Variants in RBMS3 observed in about 807,000 individuals in gnomAD.
RBMS3 encodes RNA binding motif single stranded interacting protein 3.
Under a neutral mutation model 66.8 loss-of-function variants are expected in RBMS3, and 27 were observed. The ratio of observed to expected loss-of-function variants is 0.40; its 90% CI spans 0.30 to 0.56. The LOEUF is 0.56. RBMS3 is among the 20% of genes least tolerant of loss of function. The probability of loss-of-function intolerance (pLI) is 0.40; values close to 1 mark genes in which losing one functional copy is unlikely to be tolerated. For missense variants in RBMS3, 513 were observed against 549.5 expected (o/e 0.93, Z 0.66); for synonymous variants, 188 against 183.0 (o/e 1.03, Z -0.22).
chr3:29,659,906 T>C (rs896779476), intron 4 of RBMS3, among the ~76,000 whole-genome samples: 1 of 152,204 alleles, frequency 6.6e-6, no homozygotes, highest in African/African-American at 2.4e-5. Context: ...TTACCTTCTG[T>C]TTTCTTGATA....
rs1405580242 is a variant in RBMS3, at chr3:29,766,648, G to T, written c.637+3659G>T. The T allele has an allele frequency of 2.0e-5, 3 of 151,958 alleles. No homozygotes were observed. The East Asian group carries it at 5.8e-4, about 30-fold the overall frequency. 9.4% of individuals were successfully genotyped at this position (151,958 alleles called of 1,614,324 possible). ...TTAAATGAATACATCATGGATGATT[G>T]ATGTCTTTTAGCATATCCCAGAACT... is the stretch of plus-strand genomic sequence containing the variant. On this transcript the variant is annotated intron_variant, in intron 6 of 14. Transcript: ENST00000383767.
intron 1 of RBMS3, among the ~76,000 whole-genome samples, chr3:29,406,753 A>G (rs2040032236): frequency 1.3e-5 from 2 of 152,110 alleles, no homozygotes; most frequent in African/African-American, 4.8e-5. Flanking sequence ...ATAGTTTAAT[A>G]CTTTTTTTCA....
At chr3:29,945,320 T>C (rs1294382104) in intron 12 of RBMS3, among the ~76,000 whole-genome samples, 5 of 151,724 alleles carry the variant, frequency 3.3e-5, no homozygotes, top group Non-Finnish European at 5.9e-5. Flanking sequence ...GGTAATTCTT[T>C]TTTAATTTCT....
At position 29,896,055 on chromosome 3, in the gene RBMS3, A is replaced by C. The variant is rs184958852; in HGVS notation, c.792-1324A>C. 2.0e-4 allele frequency among the ~76,000 whole-genome samples: 30 copies of C among 151,544 alleles called. No homozygotes were observed. The East Asian group carries it at 5.8e-3, about 30-fold the overall frequency. On this transcript the variant is annotated intron_variant, in intron 8 of 14. Coordinates refer to ENST00000383767, the MANE Select transcript of RBMS3 (RefSeq NM_001003793.3). ...TATGATGGGATAATTTTTTTCATCCACACTATTTTTTTTTACCCAAAAGAG... is the reference window on the plus strand; with the variant it reads ...TATGATGGGATAATTTTTTTCATCCCCACTATTTTTTTTTACCCAAAAGAG...
chr3:29,453,888 A>G (rs773788015), intron 2 of RBMS3, among the ~76,000 whole-genome samples: 46 of 152,160 alleles, frequency 3.0e-4, no homozygotes, highest in Non-Finnish European at 5.9e-4. Flanking sequence ...GAAAAGTGCT[A>G]AGACTGAGGG....
chr3:29,835,517 A>G (rs2058482143), intron 6 of RBMS3, among the ~76,000 whole-genome samples: 1 of 152,006 alleles, frequency 6.6e-6, no homozygotes, highest in South Asian at 2.1e-4. Flanking sequence ...ATTAAACAAC[A>G]CATTTCTGAA....
chr3:29,392,997 T>C (rs2039376626), intron 1 of RBMS3, among the ~76,000 whole-genome samples: 1 of 152,226 alleles, frequency 6.6e-6, no homozygotes, highest in Non-Finnish European at 1.5e-5. Context: ...CTGAATTTTT[T>C]TTCCTCCTTT....
In RBMS3 at chr3:29,493,742, C is replaced by T. The variant is rs150057978; in HGVS notation, c.307+5243C>T. ...AGTAACTCATGACTGTATGGTTCTTCGTTTTTGTAAAATAATTCCAGATGA... is the reference window on the plus strand; with the variant it reads ...AGTAACTCATGACTGTATGGTTCTTTGTTTTTGTAAAATAATTCCAGATGA... On this transcript the variant is annotated intron_variant, in intron 3 of 14. Transcript: ENST00000383767. Among the ~76,000 whole-genome samples the T allele has an allele frequency of 9.9e-3, 1,502 of 152,056 alleles. 16 individuals carry two copies. Among genetic ancestry groups the T allele is most frequent in the South Asian group, 0.038 (184 of 4,808 alleles).
At chr3:29,698,478 C>T in intron 4 of RBMS3, 1 of 985,294 alleles carries the variant, frequency 1.0e-6, no homozygotes, top group Non-Finnish European at 1.2e-6. Flanking sequence ...ATCTTGACTT[C>T]TCAGCACTCT....
At chr3:29,457,853 G>A (rs1311828435) in intron 2 of RBMS3, among the ~76,000 whole-genome samples, 1 of 139,736 alleles carries the variant, frequency 7.2e-6, no homozygotes, top group African/African-American at 2.7e-5. Flanking sequence ...TTGACATTAA[G>A]CCCTCACCTC....
At chr3:29,471,521 A>T (rs1215705589) in intron 2 of RBMS3, among the ~76,000 whole-genome samples, 1 of 152,172 alleles carries the variant, frequency 6.6e-6, no homozygotes, top group African/African-American at 2.4e-5. Flanking sequence ...TGTTAGGTGA[A>T]TTCCATCATG....
At chr3:29,382,138 G>T (rs1330396472) in intron 1 of RBMS3, among the ~76,000 whole-genome samples, 20 of 152,150 alleles carry the variant, frequency 1.3e-4, no homozygotes, top group Admixed American at 1.3e-3. Context: ...ACAAAGTCCA[G>T]ATGTTTCTAC....
At chr3:29,781,041 T>C (rs2056613501) in intron 6 of RBMS3, among the ~76,000 whole-genome samples, 1 of 152,114 alleles carries the variant, frequency 6.6e-6, no homozygotes, top group Admixed American at 6.6e-5. Context: ...TGTATACATG[T>C]GCCATGTTAG....
rs113330217 is a variant in RBMS3 at position 29,374,571 on chromosome 3, C to T, written c.76-60172C>T. On this transcript the variant is annotated intron_variant, in intron 1 of 14. Coordinates refer to ENST00000383767, the MANE Select transcript of RBMS3 (RefSeq NM_001003793.3). ...ATTCAAGACTTTATTATCAGATAGGCTTTGTGTTAGATGATTTTGCCCAAC... is the reference window on the plus strand; with the variant it reads ...ATTCAAGACTTTATTATCAGATAGGTTTTGTGTTAGATGATTTTGCCCAAC... Among the ~76,000 whole-genome samples the T allele has an allele frequency of 3.8e-3, 576 of 152,234 alleles. 3 individuals are homozygous for T. Among genetic ancestry groups the T allele is most frequent in the African/African-American group, 0.013 (554 of 41,550 alleles).
At chr3:29,583,542 G>A (rs1447940989) in intron 3 of RBMS3, among the ~76,000 whole-genome samples, 1 of 151,646 alleles carries the variant, frequency 6.6e-6, no homozygotes, top group Non-Finnish European at 1.5e-5. Context: ...TACAGTCCCA[G>A]TACCTGGGGT....
At chr3:29,887,055 A>G (rs1312262991) in intron 8 of RBMS3, among the ~76,000 whole-genome samples, 2 of 151,844 alleles carry the variant, frequency 1.3e-5, no homozygotes, top group Admixed American at 6.6e-5. Flanking sequence ...TTTATTACTT[A>G]TATACCATAA....
chr3:29,647,995 G>T (rs1018561873), intron 4 of RBMS3, among the ~76,000 whole-genome samples: 1 of 152,054 alleles, frequency 6.6e-6, no homozygotes, highest in African/African-American at 2.4e-5. Context: ...TTCATGTTCT[G>T]CAAAATCATG....
intron 3 of RBMS3, among the ~76,000 whole-genome samples, chr3:29,578,434 A>G (rs2149079041): frequency 6.6e-6 from 1 of 152,312 alleles, no homozygotes; most frequent in East Asian, 1.9e-4. Flanking sequence ...GGGATGGAGA[A>G]AAGTAATCTG....
At chr3:29,768,942 A>C (rs2056057208) in intron 6 of RBMS3, among the ~76,000 whole-genome samples, 1 of 151,886 alleles carries the variant, frequency 6.6e-6, no homozygotes, top group Non-Finnish European at 1.5e-5. Context: ...GTCAAATTCA[A>C]GTTGGGGGTT....
Sources: allele counts gnomAD v4.1 joint callset (sites outside exome capture counted in the v4.1 genomes callset), GRCh38; gene constraint gnomAD v4.1.1; transcripts MANE v1.5; gene names NCBI Gene and HGNC (gene_info 2026-07-23, HGNC 2026-07-21).